The following SPATA6 variants were observed in gnomAD, a reference collection of about 807,000 sequenced individuals.
The protein encoded by SPATA6 is spermatogenesis-associated protein 6.
Under a neutral mutation model 65.3 loss-of-function variants are expected in SPATA6, and 56 were observed. The observed-to-expected ratio is 0.86, with a 90% CI of 0.69 to 1.07. The LOEUF (loss-of-function observed/expected upper bound fraction) is 1.07, where lower values mean the gene tolerates loss of function less well. Among genes scored for constraint, SPATA6 ranks in the 50% least tolerant of loss-of-function variants. The pLI is 0.00. For synonymous variants in SPATA6, 199 were observed against 213.2 expected, an observed-to-expected ratio of 0.93 and a Z score of 0.58; for missense variants, 590 against 594.8, an observed-to-expected ratio of 0.99 and a Z score of 0.08.
intron 3 of SPATA6, among the ~76,000 whole-genome samples, chr1:48,442,972 CA>C (rs906722459): frequency 2.0e-5 from 3 of 152,132 alleles, no homozygotes; most frequent in African/African-American, 7.2e-5. Flanking sequence ...AATTACCATA[CA>C]AAAGTCCAAC....
intron 11 of SPATA6, among the ~76,000 whole-genome samples, chr1:48,340,517 A>AT (rs150888733): frequency 6.6e-6 from 1 of 151,510 alleles, no homozygotes; most frequent in African/African-American, 2.4e-5. Context: ...GGTAAAAAAA[A>AT]TTGTATTAGA....
At chr1:48,430,719 A>G (rs1654322044) in intron 3 of SPATA6, among the ~76,000 whole-genome samples, 2 of 152,202 alleles carry the variant, frequency 1.3e-5, no homozygotes. Context: ...GTTACAACAT[A>G]GGTGTGTTAA....
At chr1:48,421,447 G>A (rs7553443) in intron 3 of SPATA6, among the ~76,000 whole-genome samples, 37,255 of 151,802 alleles carry the variant, frequency 0.25, 4,789 homozygotes, top group Admixed American at 0.3. Flanking sequence ...ATATGTTCAA[G>A]GAAAAAGTCA....
the SPATA6 span, among the ~76,000 whole-genome samples, chr1:48,278,687 A>T: frequency 0.012 from 1,862 of 152,352 alleles, 40 homozygotes; most frequent in African/African-American, 0.042. Flanking sequence ...CTATGTGAAA[A>T]GACCGAATCT....
At chr1:48,374,782 C>T (rs1052532878) in intron 9 of SPATA6, among the ~76,000 whole-genome samples, 5 of 152,002 alleles carry the variant, frequency 3.3e-5, no homozygotes, top group Admixed American at 2.0e-4. Flanking sequence ...TCCATTAATC[C>T]TAAACTTTTA....
intron 11 of SPATA6, among the ~76,000 whole-genome samples, chr1:48,352,227 T>G (rs1395669405): frequency 2.0e-5 from 3 of 152,016 alleles, no homozygotes; most frequent in Non-Finnish European, 4.4e-5. Flanking sequence ...TTATTCACTA[T>G]CAAGAGAACA....
the SPATA6 span, among the ~76,000 whole-genome samples, chr1:48,280,849 C>A: frequency 6.6e-6 from 1 of 152,168 alleles, no homozygotes; most frequent in Non-Finnish European, 1.5e-5. Flanking sequence ...CAGCATCATC[C>A]TGATACCAAA....
the SPATA6 span, among the ~76,000 whole-genome samples, chr1:48,275,043 G>A: frequency 6.6e-6 from 1 of 152,146 alleles, no homozygotes; most frequent in East Asian, 1.9e-4. Context: ...TCTCCTTAAA[G>A]AGGGCCTTCA....
At chr1:48,307,431 T>A (rs894495089) in intron 11 of SPATA6, among the ~76,000 whole-genome samples, 2 of 149,466 alleles carry the variant, frequency 1.3e-5, no homozygotes, top group African/African-American at 4.9e-5. Flanking sequence ...TTTGAAAAAA[T>A]AATCTATACA....
intron 9 of SPATA6, among the ~76,000 whole-genome samples, chr1:48,371,913 A>G (rs1647324145): frequency 6.6e-6 from 1 of 152,132 alleles, no homozygotes; most frequent in Admixed American, 6.5e-5. Flanking sequence ...CATGACACTT[A>G]TTTACTATCA....
Position 48,355,796 on chromosome 1 carries a change from T to C in SPATA6, c.1095-27A>G, listed in dbSNP as rs1394131217. 1.9e-6 allele frequency: 3 copies of C among 1,569,848 alleles called. No homozygotes were observed. The African/African-American group carries it at 4.1e-5, about 21-fold the overall frequency. On this transcript the variant is annotated intron_variant, in intron 10 of 12. Coordinates refer to ENST00000371847, the MANE Select transcript of SPATA6 (RefSeq NM_019073.4). ...TGTAGGCAAAAAATAAGTTTTATTT[T>C]TGTTACTAAAATCAGGTAATGATTC...
chr1:48,342,336 T>C (rs1251846906), intron 11 of SPATA6, among the ~76,000 whole-genome samples: 5 of 152,118 alleles, frequency 3.3e-5, no homozygotes, highest in Non-Finnish European at 7.3e-5. Context: ...CAAACATTAA[T>C]CAAAAGAAAT....
Position 48,399,405 on chromosome 1 carries a change from C to A in SPATA6, c.726G>T (p.Leu242=). Residue 242 remains leucine (L), a synonymous_variant, in exon 7 of 13, where the codon CTG becomes CTT. Transcript: ENST00000371847. ...DTRRRLAHLN[L]GPYEFKKETD... ...TTTCTTTTTTGAACTCATAGGGTCCCAGATTTAAATGGGCCAGCCGCCGCC... is the reference window on the plus strand; with the variant it reads ...TTTCTTTTTTGAACTCATAGGGTCCAAGATTTAAATGGGCCAGCCGCCGCC... 1 of 1,613,112 alleles carries A rather than the reference C, an allele frequency of 6.2e-7. No individual in the cohort carries two copies. Among genetic ancestry groups the A allele is most frequent in the Non-Finnish European group, 8.5e-7 (1 of 1,179,426 alleles).
chr1:48,306,018 T>C (rs1302331603), intron 11 of SPATA6, 140 bp from the exon 12 acceptor site: 3 of 618,376 alleles, frequency 4.9e-6, no homozygotes, highest in Non-Finnish European at 5.6e-6. Flanking sequence ...AGTGTTTCTT[T>C]GGGGGGAAAA....
intron 1 of SPATA6, among the ~76,000 whole-genome samples, chr1:48,458,972 G>A (rs1209839963): frequency 2.6e-5 from 4 of 152,084 alleles, no homozygotes; most frequent in African/African-American, 4.8e-5. Context: ...TTGGGAGGAT[G>A]AGGCAGGTGG....
intron 3 of SPATA6, among the ~76,000 whole-genome samples, chr1:48,419,799 T>A (rs1653150086): frequency 1.3e-5 from 2 of 152,162 alleles, no homozygotes; most frequent in African/African-American, 2.4e-5. Flanking sequence ...AAAATGAATA[T>A]GTTTACAATA....
chr1:48,391,343 C>T (rs1650047887), intron 8 of SPATA6, among the ~76,000 whole-genome samples: 1 of 151,778 alleles, frequency 6.6e-6, no homozygotes, highest in Admixed American at 6.6e-5. Flanking sequence ...ACCACGCCCA[C>T]CAGCCTGGAT....
At chr1:48,310,672 G>C (rs1252951523) in intron 11 of SPATA6, among the ~76,000 whole-genome samples, 1 of 152,148 alleles carries the variant, frequency 6.6e-6, no homozygotes, top group Non-Finnish European at 1.5e-5. Flanking sequence ...ACAATGAACA[G>C]AACAATCAGG....
chr1:48,386,972 C>T (rs1018857268), intron 8 of SPATA6, among the ~76,000 whole-genome samples: 3 of 152,092 alleles, frequency 2.0e-5, no homozygotes, highest in East Asian at 1.9e-4. Flanking sequence ...TTTACACTGC[C>T]GATAAAGACA....
Sources: allele counts gnomAD v4.1 joint callset (sites outside exome capture counted in the v4.1 genomes callset), GRCh38; gene constraint gnomAD v4.1.1; transcripts MANE v1.5; gene names NCBI Gene and HGNC (gene_info 2026-07-23, HGNC 2026-07-21).